ANXA3: variants seen among roughly 807,000 people sequenced by gnomAD.
The protein encoded by ANXA3 is annexin A3.
ANXA3 carries 46 observed loss-of-function variants against 48.8 expected under a neutral mutation model. That is an observed-to-expected ratio of 0.94 (90% confidence interval 0.74 to 1.21). ANXA3 has a LOEUF of 1.21. Ranked by LOEUF, ANXA3 falls within the 50% of genes most tolerant of loss-of-function variation. The probability of loss-of-function intolerance (pLI) is 0.00; values close to 1 mark genes in which losing one functional copy is unlikely to be tolerated. For missense variants in ANXA3, 383 were observed against 378.6 expected (o/e 1.01, Z -0.10); for synonymous variants, 128 against 134.7 (o/e 0.95, Z 0.35).
chr4:78,578,000 C>T (rs545186646), intron 3 of ANXA3, among the ~76,000 whole-genome samples: 24 of 151,958 alleles, frequency 1.6e-4, no homozygotes, highest in African/African-American at 5.8e-4. Flanking sequence ...TGAGAGAGGC[C>T]GGGTACGGTG....
rs1722387200 is a variant in ANXA3, at chr4:78,551,777, A to C, written c.-121A>C. On this transcript the variant is annotated 5_prime_UTR_variant, in exon 1 of 13. Transcript: ENST00000264908. ...CGATCCGGACCCGGAGCCAGCGCGGAGCACCTGCGCCCGCGGCTGACACCT... is the reference window on the plus strand; with the variant it reads ...CGATCCGGACCCGGAGCCAGCGCGGCGCACCTGCGCCCGCGGCTGACACCT... 1 of 152,318 alleles carries C rather than the reference A, an allele frequency of 6.6e-6. No homozygotes were observed. Among genetic ancestry groups the C allele is most frequent in the Non-Finnish European group, 1.5e-5 (1 of 68,108 alleles). 9.4% of individuals were successfully genotyped at this position (152,318 alleles called of 1,614,324 possible).
At chr4:78,591,663 T>C in intron 7 of ANXA3, 40 bp downstream of exon 7, 2 of 1,397,234 alleles carry the variant, frequency 1.4e-6, no homozygotes, top group East Asian at 4.6e-5. Context: ...CCCAGTAAGC[T>C]GCATGCTCAA....
At chr4:78,574,060 C>T (rs1215302201) in intron 3 of ANXA3, among the ~76,000 whole-genome samples, 1 of 152,142 alleles carries the variant, frequency 6.6e-6, no homozygotes, top group Non-Finnish European at 1.5e-5. Flanking sequence ...TGTATTAGTC[C>T]TATCTAACCA....
intron 4 of ANXA3, among the ~76,000 whole-genome samples, chr4:78,579,537 G>T (rs1723032093): frequency 1.3e-5 from 2 of 152,168 alleles, no homozygotes; most frequent in Non-Finnish European, 1.5e-5. Flanking sequence ...CCACAACAAA[G>T]AATTACTAAG....
chr4:78,601,540 T>C lies in ANXA3; in HGVS notation c.761T>C (p.Leu254Ser), dbSNP rs1217356103. The C allele has an allele frequency of 3.7e-6, 6 of 1,613,958 alleles. No individual in the cohort carries two copies. Among genetic ancestry groups the C allele is most frequent in the Non-Finnish European group, 5.1e-6 (6 of 1,179,922 alleles). Residue 254 changes from leucine (L) to serine (S), a missense_variant, in exon 11 of 13, where the codon TTA becomes TCA. Coordinates refer to ENST00000264908, the MANE Select transcript of ANXA3 (RefSeq NM_005139.3). The part of the protein sequence containing the change: ...VNCVRNTPAF[L>S]AERLHRALKG... The stretch of plus-strand genomic sequence containing the variant: ...TGTGTGAGGAACACGCCGGCCTTTT[T>C]AGCCGAAAGACTGCATCGAGCCTTG...
Position 78,586,351 on chromosome 4 carries a change from G to T in ANXA3, c.403+1G>T. 2 of 1,608,096 alleles carry T rather than the reference G, an allele frequency of 1.2e-6. No homozygotes were observed. The highest frequency in any genetic ancestry group is 1.7e-6 in the Non-Finnish European group (2 of 1,176,186). ...GATATCTCTCAAGCCTATTATACAG[G>T]TGTCTTATTTTCTGCTTACCTTCAC... On this transcript the variant is annotated splice_donor_variant, in intron 6 of 12. Coordinates refer to ENST00000264908, the MANE Select transcript of ANXA3 (RefSeq NM_005139.3). LOFTEE classifies it high-confidence loss of function.
In ANXA3 at chr4:78,573,324, A is replaced by G; in HGVS notation, c.103+57A>G. The G allele has an allele frequency of 1.8e-5, 24 of 1,323,846 alleles. 1 individual carries two copies. Among genetic ancestry groups the G allele is most frequent in the Middle Eastern group, 1.8e-4 (1 of 5,496 alleles). The allele number at this position is 1,323,846 out of a possible 1,614,324, so 82.0% of individuals were successfully genotyped here. ...GTTGAAGCAAATCAGGCAAGTTACA[A>G]TCTAAAAGTTCAGTTTGCTCAGATT... On this transcript the variant is annotated intron_variant, in intron 3 of 12. Coordinates refer to ENST00000264908, the MANE Select transcript of ANXA3 (RefSeq NM_005139.3).
intron 2 of ANXA3, among the ~76,000 whole-genome samples, chr4:78,568,985 T>A (rs1353526): frequency 0.017 from 2,559 of 152,340 alleles, 75 homozygotes; most frequent in African/African-American, 0.059. Context: ...GTGAAAAGGA[T>A]TTATTATATC....
chr4:78,551,987 G>A (rs982111554), intron 1 of ANXA3, 128 bp downstream of exon 1: 1 of 152,330 alleles, frequency 6.6e-6, no homozygotes, highest in Non-Finnish European at 1.5e-5. Flanking sequence ...GGCAGGGCTG[G>A]CGGCTGGCGC....
intron 10 of ANXA3, among the ~76,000 whole-genome samples, chr4:78,601,068 A>T (rs1723524059): frequency 6.6e-6 from 1 of 152,144 alleles, no homozygotes; most frequent in Admixed American, 6.5e-5. Flanking sequence ...TTTTAAATGG[A>T]ACTCCAGTGC....
At chr4:78,561,428 C>T (rs996340503) in intron 2 of ANXA3, among the ~76,000 whole-genome samples, 1 of 152,060 alleles carries the variant, frequency 6.6e-6, no homozygotes, top group African/African-American at 2.4e-5. Flanking sequence ...AATTCTGTCC[C>T]ATAGAAGACA....
intron 6 of ANXA3, among the ~76,000 whole-genome samples, chr4:78,590,669 A>G (rs1303411223): frequency 1.3e-5 from 2 of 152,200 alleles, no homozygotes; most frequent in African/African-American, 4.8e-5. Flanking sequence ...ACTAGTCAGT[A>G]CTAAAATATA....
intron 1 of ANXA3, among the ~76,000 whole-genome samples, chr4:78,552,678 G>T (rs1405186640): frequency 6.6e-6 from 1 of 152,166 alleles, no homozygotes; most frequent in African/African-American, 2.4e-5. Flanking sequence ...TCTTTCCAAG[G>T]ATTTGTGTTC....
intron 3 of ANXA3, among the ~76,000 whole-genome samples, chr4:78,578,298 C>CGAGAGCGAGAGA (rs1451574068): frequency 5.8e-4 from 27 of 46,516 alleles, no homozygotes; most frequent in African/African-American, 1.9e-3. Context: ...AGAGAGAGAG[C>CGAGAGCGAGAGA]GAGAGAGAGA....
chr4:78,559,764 A>G (rs558690821), intron 2 of ANXA3, among the ~76,000 whole-genome samples: 1 of 152,304 alleles, frequency 6.6e-6, no homozygotes, highest in South Asian at 2.1e-4. Context: ...TCTCTACTTC[A>G]GTTTCCTCAT....
intron 12 of ANXA3, among the ~76,000 whole-genome samples, chr4:78,608,159 T>C (rs991733423): frequency 6.6e-6 from 1 of 152,152 alleles, no homozygotes; most frequent in Non-Finnish European, 1.5e-5. Flanking sequence ...TTTTCTGCCC[T>C]TATGGAATTA....
intron 7 of ANXA3, 45 bp from the exon 8 acceptor site, chr4:78,595,336 C>A (rs1384403648): frequency 6.2e-7 from 1 of 1,603,872 alleles, no homozygotes; most frequent in East Asian, 2.2e-5. Flanking sequence ...GTGTTAGAAT[C>A]TTCTATCTTT....
chr4:78,588,716 C>T (rs1397371891), intron 6 of ANXA3, among the ~76,000 whole-genome samples: 1 of 152,106 alleles, frequency 6.6e-6, no homozygotes, highest in Admixed American at 6.6e-5. Context: ...GGGTGAACAG[C>T]CTTCCCTGGG....
At chr4:78,568,305 G>A (rs953626727) in intron 2 of ANXA3, among the ~76,000 whole-genome samples, 1 of 152,162 alleles carries the variant, frequency 6.6e-6, no homozygotes, top group South Asian at 2.1e-4. Context: ...AAGTTTGATT[G>A]CTTTATTTTT....
Sources: allele counts gnomAD v4.1 joint callset (sites outside exome capture counted in the v4.1 genomes callset), GRCh38; gene constraint gnomAD v4.1.1; transcripts MANE v1.5; gene names NCBI Gene and HGNC (gene_info 2026-07-23, HGNC 2026-07-21).